Variants in FANCD2 observed in about 807,000 individuals in gnomAD.
FANCD2 encodes Fanconi anemia group D2 protein.
Under a neutral mutation model 192.3 loss-of-function variants are expected in FANCD2, and 131 were observed. The ratio of observed to expected loss-of-function variants is 0.68; its 90% confidence interval spans 0.59 to 0.79. The LOEUF is 0.79. FANCD2 is among the 30% of genes least tolerant of loss of function. The pLI is 0.00. For synonymous variants in FANCD2, 524 were observed against 612.5 expected, an observed-to-expected ratio of 0.86 and a Z score of 2.13; for missense variants, 1,508 against 1,701.6, an observed-to-expected ratio of 0.89 and a Z score of 2.00.
At chr3:10,029,550 T>C (rs533873544) in intron 2 of FANCD2, among the ~76,000 whole-genome samples, 2 of 152,276 alleles carry the variant, frequency 1.3e-5, no homozygotes, top group South Asian at 4.1e-4. Context: ...CATTTATTGC[T>C]CTTATCTACT....
chr3:10,087,333 C>G, intron 34 of FANCD2, 69 bp downstream of exon 34: 2 of 1,440,638 alleles, frequency 1.4e-6, no homozygotes, highest in East Asian at 4.9e-5. Flanking sequence ...CACTTACAAA[C>G]TTTGGGCTTC....
intron 6 of FANCD2, among the ~76,000 whole-genome samples, chr3:10,035,799 C>T (rs2086713525): frequency 1.3e-5 from 2 of 152,096 alleles, no homozygotes; most frequent in Non-Finnish European, 2.9e-5. Flanking sequence ...TCTAAGAGCT[C>T]CCTTGTTCCT....
At chr3:10,050,622 C>CAAACA (rs2087172509) in intron 17 of FANCD2, among the ~76,000 whole-genome samples, 1 of 59,632 alleles carries the variant, frequency 1.7e-5, no homozygotes. Context: ...GACTCTGTCT[C>CAAACA]AAAAAAAAAA....
chr3:10,047,786 T>A lies in FANCD2; in HGVS notation c.1279-131T>A, dbSNP rs7649243. ...GGATTATTTTTGTGTAAAACAAAGA[T>A]TAAGATTTCCTAAGTTAAAATGAGA... On this transcript the variant is annotated intron_variant, in intron 15 of 43. Coordinates refer to ENST00000675286, the MANE Select transcript of FANCD2 (RefSeq NM_001018115.3). 0.16 allele frequency: 165,399 copies of A among 1,065,490 alleles called. 7,833 individuals are homozygous for A. Among genetic ancestry groups the A allele is most frequent in the African/African-American group, 0.29 (18,530 of 63,338 alleles). 66.0% of individuals were successfully genotyped at this position (1,065,490 alleles called of 1,614,324 possible). A position where few individuals can be genotyped will look rare whatever the true frequency, so the allele number is the denominator to read the frequency against.
intron 7 of FANCD2, 137 bp from the exon 8 acceptor site, chr3:10,039,142 C>G (rs533658203): frequency 2.6e-4 from 154 of 597,256 alleles, no homozygotes; most frequent in African/African-American, 2.5e-3. Flanking sequence ...ACTTGTGTGT[C>G]TAGTGCAGTG....
rs1361950370 is a variant in FANCD2 at position 10,034,681 on chromosome 3, T to G, written c.274-14T>G. ...AAAAATTTTATTCTTTTTTATTTTT[T>G]AAATCTCCTTAAGATAATAGAAGAA... is the stretch of plus-strand genomic sequence containing the variant. On this transcript the variant is annotated splice_polypyrimidine_tract_variant and intron_variant, in intron 4 of 43. Transcript: ENST00000675286. 1 of 1,524,690 alleles carries G rather than the reference T, an allele frequency of 6.6e-7. No individual in the cohort carries two copies. Among genetic ancestry groups the G allele is most frequent in the African/African-American group, 1.4e-5 (1 of 72,232 alleles). The allele number at this position is 1,524,690 out of a possible 1,614,324, so 94.4% of individuals were successfully genotyped here.
At chr3:10,066,471 C>G (rs1337126638) in intron 25 of FANCD2, among the ~76,000 whole-genome samples, 2 of 152,190 alleles carry the variant, frequency 1.3e-5, no homozygotes, top group Admixed American at 1.3e-4. Flanking sequence ...GGCAGGATAG[C>G]TATTGTCCTC....
rs1459767726 is a variant in FANCD2 at position 10,046,806 on chromosome 3, A to G, written c.1278+83A>G. 10 of 1,170,314 alleles carry G rather than the reference A, an allele frequency of 8.5e-6. No homozygotes were observed. In the East Asian group the frequency reaches 1.7e-4, roughly 19 times the overall value. 72.5% of individuals were successfully genotyped at this position (1,170,314 alleles called of 1,614,324 possible). A position where few individuals can be genotyped will look rare whatever the true frequency, so the allele number is the denominator to read the frequency against. ...GTAAAATTTCATCTTATTTCAGTCC[A>G]TTGTTCAAACCCATTGAGATTTTTG... is the stretch of plus-strand genomic sequence containing the variant. On this transcript the variant is annotated intron_variant, in intron 15 of 43. Transcript: ENST00000675286.
At chr3:10,057,124 G>A (rs1430111990) in intron 18 of FANCD2, among the ~76,000 whole-genome samples, 2 of 152,152 alleles carry the variant, frequency 1.3e-5, no homozygotes, top group African/African-American at 4.8e-5. Flanking sequence ...CCAAAGTGCT[G>A]GCATTACAGG....
chr3:10,054,473 ATTTTTTTTTTT>A (rs55719769), intron 18 of FANCD2, among the ~76,000 whole-genome samples: 1 of 8,408 alleles, frequency 1.2e-4, no homozygotes, highest in East Asian at 3.6e-3. Context: ...ATATATATAT[ATTTTTTTTTTT>A]TTTTTTTTTT....
chr3:10,086,720 T>C (rs969120317), intron 33 of FANCD2, among the ~76,000 whole-genome samples: 2 of 152,206 alleles, frequency 1.3e-5, no homozygotes, highest in Non-Finnish European at 2.9e-5. Flanking sequence ...TCAGGTGATC[T>C]GCCTGTCTCA....
rs1694168766 is a variant in FANCD2, at chr3:10,085,900, C to G, written c.3313C>G (p.Gln1105Glu). The G allele has an allele frequency of 1.2e-6, 2 of 1,612,474 alleles. No individual in the cohort carries two copies. Among genetic ancestry groups the G allele is most frequent in the African/African-American group, 2.7e-5 (2 of 74,872 alleles). Reference sequence around the variant, plus strand: ...CCGACTGAAACAGGGAGAACACAGCCAGCCTTTGGAGGAACTACTCAGGTG... The same window carrying G: ...CCGACTGAAACAGGGAGAACACAGCGAGCCTTTGGAGGAACTACTCAGGTG... ...SSRLKQGEHS[Q>E]PLEELLSQSV... is the part of the protein sequence containing the mutation. Residue 1105 changes from glutamine (Q) to glutamate (E), a missense_variant, in exon 33 of 44, where the codon CAG becomes GAG. By Grantham distance (29) the Gln-to-Glu change is conservative. Around this residue, in one of 5 missense-constraint regions of FANCD2, gnomAD observed 796 missense variants for 879.4 expected, o/e 0.91. Coordinates refer to ENST00000675286, the MANE Select transcript of FANCD2 (RefSeq NM_001018115.3).
chr3:10,041,392 T>C, intron 9 of FANCD2: 1 of 445,318 alleles, frequency 2.2e-6, no homozygotes. Flanking sequence ...TAGTGGGGAT[T>C]GTGATGGAAG....
At position 10,078,178 on chromosome 3, in the gene FANCD2, GGA is replaced by G. The variant is rs1693635796; in HGVS notation, c.2961_2962del (p.Arg987SerfsTer38). On this transcript the variant is annotated frameshift_variant, in exon 30 of 44. Transcript: ENST00000675286. LOFTEE classifies it high-confidence loss of function. The stretch of plus-strand genomic sequence containing the variant: ...AGTATGCTGACACCTCCTATTGCCA[GGA>G]GAGTCCCCTTTCTCAAGGTTAGTGT... The G allele has an allele frequency of 2.5e-6, 4 of 1,610,598 alleles. No homozygotes were observed. The highest frequency in any genetic ancestry group is 2.5e-6 in the Non-Finnish European group (3 of 1,177,004).
intron 19 of FANCD2, among the ~76,000 whole-genome samples, 179 bp from the exon 20 acceptor site, chr3:10,061,972 G>T (rs1198424857): frequency 6.7e-6 from 1 of 150,116 alleles, no homozygotes; most frequent in Non-Finnish European, 1.5e-5. Context: ...GAATGTTGTG[G>T]GGTGGGGGAG....
intron 34 of FANCD2, 136 bp downstream of exon 34, chr3:10,087,400 A>T (rs1236498868): frequency 3.8e-6 from 3 of 798,224 alleles, no homozygotes; most frequent in Non-Finnish European, 5.9e-6. Context: ...CTCTTGCTAT[A>T]CCAAGAAGGT....
At chr3:10,056,010 C>T (rs189443562) in intron 18 of FANCD2, among the ~76,000 whole-genome samples, 1 of 152,200 alleles carries the variant, frequency 6.6e-6, no homozygotes, top group African/African-American at 2.4e-5. Context: ...TCCTGAGTAG[C>T]TGGGATTATA....
chr3:10,068,675 C>T (rs1311093734), intron 26 of FANCD2, among the ~76,000 whole-genome samples: 4 of 150,816 alleles, frequency 2.7e-5, no homozygotes, highest in Non-Finnish European at 5.9e-5. Context: ...CACCGAAGAC[C>T]CAGAATAGCC....
chr3:10,043,937 A>G (rs1575750656), intron 14 of FANCD2, 73 bp downstream of exon 14: 2 of 1,268,520 alleles, frequency 1.6e-6, no homozygotes, highest in Admixed American at 3.5e-5. Context: ...TTGCCTTCCC[A>G]CTGTCTTTCT....
Sources: gnomAD v4.1 joint callset for allele counts (sites outside exome capture counted in the v4.1 genomes callset) on GRCh38, gnomAD v4.1.1 for gene constraint, gnomAD v4.1.1 regional missense constraint, MANE v1.5 for transcripts, NCBI Gene and HGNC (gene_info 2026-07-23, HGNC 2026-07-21) for gene names.